The following AFG1L variants were observed in gnomAD, a reference collection of about 807,000 sequenced individuals.
AFG1L encodes AFG1-like ATPase.
Under a neutral mutation model 62.2 loss-of-function variants are expected in AFG1L, and 53 were observed. The ratio of observed to expected loss-of-function variants is 0.85; its 90% confidence interval spans 0.68 to 1.07. The LOEUF is 1.07. Ranked by LOEUF, AFG1L falls within the 50% of genes least tolerant of loss-of-function variation. The probability of loss-of-function intolerance (pLI) is 0.00; values close to 1 mark genes in which losing one functional copy is unlikely to be tolerated. For synonymous variants in AFG1L, 228 were observed against 210.3 expected, an observed-to-expected ratio of 1.08 and a Z score of -0.73; for missense variants, 555 against 590.5, an observed-to-expected ratio of 0.94 and a Z score of 0.62.
intron 6 of AFG1L, among the ~76,000 whole-genome samples, chr6:108,377,818 CTTTT>C (rs199511475): frequency 7.4e-6 from 1 of 134,718 alleles, no homozygotes; most frequent in African/African-American, 2.7e-5. Context: ...GGAAAGTTTC[CTTTT>C]TTTTTTTTTT....
intron 1 of AFG1L, among the ~76,000 whole-genome samples, chr6:108,315,591 C>G (rs1017656367): frequency 4.0e-5 from 6 of 151,814 alleles, no homozygotes; most frequent in African/African-American, 1.5e-4. Flanking sequence ...TTTTTTGTTG[C>G]TTTTTTAGAG....
At chr6:108,467,463 G>T (rs1582629183) in intron 8 of AFG1L, among the ~76,000 whole-genome samples, 1 of 152,020 alleles carries the variant, frequency 6.6e-6, no homozygotes, top group African/African-American at 2.4e-5. Flanking sequence ...AGCTAGGCTG[G>T]TCTCAAACTC....
chr6:108,428,231 T>C (rs1375699725), intron 7 of AFG1L, among the ~76,000 whole-genome samples: 1 of 152,218 alleles, frequency 6.6e-6, no homozygotes, highest in Admixed American at 6.5e-5. Context: ...TTACTTCACT[T>C]GGAATAATGG....
intron 7 of AFG1L, among the ~76,000 whole-genome samples, chr6:108,431,919 G>T (rs927742081): frequency 6.6e-6 from 1 of 151,110 alleles, no homozygotes; most frequent in African/African-American, 2.4e-5. Flanking sequence ...TAGAGTGATG[G>T]TGTCTTTGAA....
intron 11 of AFG1L, among the ~76,000 whole-genome samples, chr6:108,519,278 T>C (rs1284706059): frequency 6.6e-6 from 1 of 152,194 alleles, no homozygotes; most frequent in African/African-American, 2.4e-5. Context: ...GACTCAATCA[T>C]ATCCTAGAGG....
At chr6:108,395,662 A>G (rs1781262363) in intron 6 of AFG1L, among the ~76,000 whole-genome samples, 1 of 151,806 alleles carries the variant, frequency 6.6e-6, no homozygotes, top group African/African-American at 2.4e-5. Context: ...TTGGCCTCCT[A>G]AAGTGCTGGA....
At chr6:108,364,415 T>C (rs1008608476) in intron 5 of AFG1L, among the ~76,000 whole-genome samples, 17 of 152,226 alleles carry the variant, frequency 1.1e-4, no homozygotes, top group African/African-American at 4.1e-4. Flanking sequence ...TTTCTTCAAC[T>C]TTCAGTTTAA....
chr6:108,302,106 C>G (rs1777024726), intron 1 of AFG1L, among the ~76,000 whole-genome samples: 1 of 152,102 alleles, frequency 6.6e-6, no homozygotes, highest in Admixed American at 6.5e-5. Context: ...ACCACCATGC[C>G]CTGCTAATTT....
chr6:108,516,009 A>G (rs1774870216), intron 11 of AFG1L, among the ~76,000 whole-genome samples: 2 of 152,218 alleles, frequency 1.3e-5, no homozygotes, highest in African/African-American at 4.8e-5. Flanking sequence ...GCAATAATTA[A>G]TAGCTTGCCA....
At chr6:108,415,771 C>T (rs1053498842) in intron 7 of AFG1L, among the ~76,000 whole-genome samples, 1 of 152,174 alleles carries the variant, frequency 6.6e-6, no homozygotes, top group Non-Finnish European at 1.5e-5. Context: ...ACAATTAATT[C>T]AAGATGGATT....
intron 8 of AFG1L, among the ~76,000 whole-genome samples, chr6:108,453,853 G>A (rs756473949): frequency 6.6e-6 from 1 of 152,154 alleles, no homozygotes; most frequent in Non-Finnish European, 1.5e-5. Flanking sequence ...GGAATCTGCA[G>A]TTTCAGTCTC....
chr6:108,329,914 C>G (rs749585430), intron 2 of AFG1L, among the ~76,000 whole-genome samples: 10 of 152,154 alleles, frequency 6.6e-5, no homozygotes, highest in South Asian at 2.1e-4. Context: ...GTGACTGGGT[C>G]ATGAGATCTC....
Position 108,326,600 on chromosome 6 carries a change from C to A in AFG1L, c.363+2552C>A, listed in dbSNP as rs75335199. On this transcript the variant is annotated intron_variant, in intron 2 of 12. Coordinates refer to ENST00000368977, the MANE Select transcript of AFG1L (RefSeq NM_145315.5). ...GACTTTCCCCACCCCCTGCCAAATA[C>A]GCTTTTACTGTAACGTCTTTAGAAG... 4.1e-3 allele frequency among the ~76,000 whole-genome samples: 629 copies of A among 152,244 alleles called. 5 individuals are homozygous for A. The highest frequency in any genetic ancestry group is 0.013 in the African/African-American group (552 of 41,554).
rs547738013 is a variant in AFG1L, at chr6:108,390,669, CT to C, written c.749-11326del. On this transcript the variant is annotated intron_variant, in intron 6 of 12. Coordinates refer to ENST00000368977, the MANE Select transcript of AFG1L (RefSeq NM_145315.5). The stretch of plus-strand genomic sequence containing the variant: ...TTTGCCTGGGCATCAGCATTGGAGG[CT>C]GCAAACAGCGAATATTGCTGAACAG... 2.0e-4 allele frequency among the ~76,000 whole-genome samples: 30 copies of C among 152,318 alleles called. No individual in the cohort carries two copies. In the East Asian group the frequency reaches 5.6e-3, roughly 28 times the overall value.
chr6:108,516,622 A>G (rs1399155509), intron 11 of AFG1L, among the ~76,000 whole-genome samples: 1 of 152,204 alleles, frequency 6.6e-6, no homozygotes, highest in Non-Finnish European at 1.5e-5. Context: ...CACCACTCCT[A>G]TTCAACATAG....
At chr6:108,449,174 TA>T (rs1771945629) in intron 8 of AFG1L, among the ~76,000 whole-genome samples, 1 of 151,118 alleles carries the variant, frequency 6.6e-6, no homozygotes, top group Admixed American at 6.6e-5. Context: ...TATATATATA[TA>T]TAAGTGTATA....
chr6:108,399,710 G>A (rs1582518765), intron 6 of AFG1L, among the ~76,000 whole-genome samples: 2 of 109,446 alleles, frequency 1.8e-5, no homozygotes, highest in East Asian at 2.6e-4. Context: ...TGGGCATGGT[G>A]TCATGTGCCT....
chr6:108,369,810 A>G (rs1779916443), intron 6 of AFG1L, among the ~76,000 whole-genome samples: 1 of 152,022 alleles, frequency 6.6e-6, no homozygotes, highest in East Asian at 1.9e-4. Context: ...GGGTTTCACC[A>G]TGTTGGCCAG....
intron 5 of AFG1L, among the ~76,000 whole-genome samples, chr6:108,360,108 C>G (rs950128505): frequency 1.3e-5 from 2 of 152,154 alleles, no homozygotes; most frequent in African/African-American, 4.8e-5. Context: ...GCTAGGAATG[C>G]TTTTGGCCAC....
Sources: gnomAD v4.1 joint callset for allele counts (sites outside exome capture counted in the v4.1 genomes callset) on GRCh38, gnomAD v4.1.1 for gene constraint, MANE v1.5 for transcripts, NCBI Gene and HGNC (gene_info 2026-07-23, HGNC 2026-07-21) for gene names.